Variants in PLAGL1 observed in about 807,000 individuals in gnomAD.
PLAGL1 encodes zinc finger protein PLAGL1.
PLAGL1 carries 1 observed loss-of-function variant against 4.6 expected under a neutral mutation model. The observed-to-expected ratio is 0.22, with a 90% CI of 0.08 to 1.03. The LOEUF (loss-of-function observed/expected upper bound fraction) is 1.03, where lower values mean the gene tolerates loss of function less well. Ranked by LOEUF, PLAGL1 falls within the 50% of genes least tolerant of loss-of-function variation. The pLI is 0.58. For synonymous variants in PLAGL1, 240 were observed against 237.8 expected, an observed-to-expected ratio of 1.01 and a Z score of -0.08; for missense variants, 464 against 570.4, an observed-to-expected ratio of 0.81 and a Z score of 1.90.
intron 1 of PLAGL1, among the ~76,000 whole-genome samples, chr6:144,040,722 A>G (rs1797664327): frequency 6.7e-6 from 1 of 149,510 alleles, no homozygotes; most frequent in Admixed American, 6.7e-5. Context: ...CTAAAAATAC[A>G]AAAAAATTTG....
In PLAGL1 at chr6:143,941,855, C is replaced by G; in HGVS notation, c.961G>C (p.Asp321His). ...CTGATATTGCAAAAACCTTTAGTAT[C>G]TGCTTTGAGGGGCAGGCTTGCAAGT... Reference protein sequence around the residue: ...SPLASLPLKADTKGFCNISLF... With the variant: ...SPLASLPLKAHTKGFCNISLF... The change falls in exon 8 of 8, where the codon GAT becomes CAT. Residue 321 changes from aspartate (D) to histidine (H), a missense_variant. By Grantham distance (81) the Asp-to-His change is moderately conservative (BLOSUM62 -1). Coordinates refer to ENST00000674357, the MANE Select transcript of PLAGL1 (RefSeq NM_001317162.2). This position sits in a 1 kb window ranked among gnomAD's most constrained non-coding sequence, Gnocchi z 6.0. The G allele has an allele frequency of 5.0e-6, 8 of 1,614,190 alleles. 1 individual carries two copies. The South Asian group carries it at 7.7e-5, about 16-fold the overall frequency.
intron 1 of PLAGL1, among the ~76,000 whole-genome samples, chr6:144,035,263 C>G (rs889850426): frequency 1.3e-5 from 2 of 152,094 alleles, no homozygotes; most frequent in African/African-American, 4.8e-5. Flanking sequence ...TAGATCAATC[C>G]AAGCACCAAA....
At chr6:144,023,686 T>C (rs558615504) in intron 1 of PLAGL1, among the ~76,000 whole-genome samples, 3 of 151,080 alleles carry the variant, frequency 2.0e-5, no homozygotes, top group Non-Finnish European at 4.4e-5. Context: ...TTAGGGAAAT[T>C]ACAGATAAGC....
intron 2 of PLAGL1, among the ~76,000 whole-genome samples, chr6:143,976,285 CTTTT>C (rs58569870): frequency 2.6e-5 from 3 of 113,250 alleles, no homozygotes; most frequent in Non-Finnish European, 5.3e-5. Flanking sequence ...GATTTCTTTT[CTTTT>C]TTTTTTTTTT....
rs954582563 is a variant in PLAGL1, at chr6:144,055,235, C to T, written c.-151+9233G>A. 6.6e-6 allele frequency among the ~76,000 whole-genome samples: 1 copy of T among 152,054 alleles called. No homozygotes were observed. The highest frequency in any genetic ancestry group is 2.4e-5 in the African/African-American group (1 of 41,378). ...CACTTACCCAGAAACACAGTGTGTT[C>T]GACAGAGAAGAAAGCTTACCGAGTG... On this transcript the variant is annotated intron_variant, in intron 1 of 3. Coordinates refer to the PLAGL1 transcript ENST00000437412. The surrounding 1 kb of genome is among the most constrained non-coding windows in gnomAD (Gnocchi z 5.0).
rs1156488871 is a variant in PLAGL1, at chr6:143,945,136, C to A, written c.153-2473G>T. On this transcript the variant is annotated intron_variant, in intron 7 of 7. Transcript: ENST00000674357. The surrounding 1 kb of genome is among the most constrained non-coding windows in gnomAD (Gnocchi z 4.2). Reference sequence around the variant, plus strand: ...CCTTTTAATTTATCCCTTACTTACTCAACAATCCTGATCTAGAACATTCTC... The same window carrying A: ...CCTTTTAATTTATCCCTTACTTACTAAACAATCCTGATCTAGAACATTCTC... Among the ~76,000 whole-genome samples the A allele has an allele frequency of 6.6e-6, 1 of 152,198 alleles. No homozygotes were observed. The highest frequency in any genetic ancestry group is 1.5e-5 in the Non-Finnish European group (1 of 68,034).
intron 1 of PLAGL1, among the ~76,000 whole-genome samples, chr6:144,035,096 G>A (rs545928772): frequency 6.6e-6 from 1 of 152,252 alleles, no homozygotes; most frequent in African/African-American, 2.4e-5. Flanking sequence ...AAATGTTTCA[G>A]GGGGTTGGGG....
intron 1 of PLAGL1, among the ~76,000 whole-genome samples, chr6:144,020,741 C>G (rs1001490245): frequency 2.0e-5 from 3 of 148,972 alleles, no homozygotes; most frequent in Non-Finnish European, 4.4e-5. Flanking sequence ...CCACTGCACC[C>G]GGCCACCACC....
rs933388428 is a variant in PLAGL1 at position 143,997,819 on chromosome 6, T to C, written c.-584+10271A>G. 1.2e-4 allele frequency among the ~76,000 whole-genome samples: 18 copies of C among 152,188 alleles called. No individual in the cohort carries two copies. The highest frequency in any genetic ancestry group is 6.5e-4 in the Admixed American group (10 of 15,272). On this transcript the variant is annotated intron_variant, in intron 1 of 7. Coordinates refer to ENST00000674357, the MANE Select transcript of PLAGL1 (RefSeq NM_001317162.2). This position sits in a 1 kb window ranked among gnomAD's most constrained non-coding sequence, Gnocchi z 4.6. ...AATTTTATCCTCGATGGATGTAATA[T>C]TGTCTAGCTTGCTCTTGAATGTGGT... is the stretch of plus-strand genomic sequence containing the variant.
At position 144,027,243 on chromosome 6, in the gene PLAGL1, G is replaced by GAAAT. The variant is rs1159218241; in HGVS notation, c.-151+37224_-151+37225insATTT. Among the ~76,000 whole-genome samples the GAAAT allele has an allele frequency of 3.9e-4, 31 of 80,286 alleles. No homozygotes were observed. Among genetic ancestry groups the GAAAT allele is most frequent in the African/African-American group, 1.3e-3 (30 of 23,358 alleles). 52.7% of individuals were successfully genotyped at this position (80,286 alleles called of 152,430 possible). A position where few individuals can be genotyped will look rare whatever the true frequency, so the allele number is the denominator to read the frequency against. ...CAACTCAAAGAACGAACGAAAGAAA[G>GAAAT]AAAGAAAGAAAGAAAGAAAGAAAGA... On this transcript the variant is annotated intron_variant, in intron 1 of 3. Transcript: ENST00000437412. This position sits in a 1 kb window ranked among gnomAD's most constrained non-coding sequence, Gnocchi z 5.8.
At chr6:143,977,083 T>TCCCCC (rs55975019) in intron 2 of PLAGL1, among the ~76,000 whole-genome samples, 9 of 136,910 alleles carry the variant, frequency 6.6e-5, no homozygotes, top group Non-Finnish European at 1.1e-4. Context: ...TATACTCCCT[T>TCCCCC]CCCCCCCCCC....
At chr6:144,007,082 C>A (rs944231174) in intron 1 of PLAGL1, 7 of 152,194 alleles carry the variant, frequency 4.6e-5, no homozygotes, top group African/African-American at 1.7e-4. Flanking sequence ...GGACATCGGA[C>A]GTCGTCAACT....
Position 143,947,126 on chromosome 6 carries a change from GGT to G in PLAGL1, c.152+857_152+858del, listed in dbSNP as rs1779963414. On this transcript the variant is annotated intron_variant, in intron 7 of 7. Coordinates refer to ENST00000674357, the MANE Select transcript of PLAGL1 (RefSeq NM_001317162.2). This position sits in a 1 kb window ranked among gnomAD's most constrained non-coding sequence, Gnocchi z 4.3. ...GCTAAAACAGTGCTTTTTATCCTTT[GGT>G]GTGTCATGGGTGCCTTTAAAACTGA... 6.6e-6 allele frequency among the ~76,000 whole-genome samples: 1 copy of G among 152,128 alleles called. No individual in the cohort carries two copies. Among genetic ancestry groups the G allele is most frequent in the Non-Finnish European group, 1.5e-5 (1 of 68,034 alleles).
intron 2 of PLAGL1, among the ~76,000 whole-genome samples, chr6:143,969,622 C>CAA (rs547356186): frequency 7.2e-6 from 1 of 139,616 alleles, no homozygotes; most frequent in African/African-American, 2.6e-5. Flanking sequence ...CAATCTCTAC[C>CAA]AAAAAAAAAA....
chr6:144,030,963 G>A (rs1796779343), intron 1 of PLAGL1, among the ~76,000 whole-genome samples: 1 of 152,176 alleles, frequency 6.6e-6, no homozygotes, highest in South Asian at 2.1e-4. Flanking sequence ...GGTTGCACTA[G>A]TTTACATTCC....
chr6:143,948,048 C>A lies in PLAGL1; in HGVS notation c.89G>T (p.Arg30Leu), dbSNP rs201696236. 2 of 1,614,078 alleles carry A rather than the reference C, an allele frequency of 1.2e-6. No homozygotes were observed. The highest frequency in any genetic ancestry group is 1.7e-6 in the Non-Finnish European group (2 of 1,179,900). The change falls in exon 7 of 8, where the codon CGG becomes CTG. Residue 30 changes from arginine (R) to leucine (L), a missense_variant. Physicochemically the swap from Arg to Leu is moderately radical, Grantham distance 102. This residue lies in a region of PLAGL1 where 161 missense variants were observed against 196.7 expected (regional missense o/e 0.82). Transcript: ENST00000674357. The surrounding 1 kb of genome is among the most constrained non-coding windows in gnomAD (Gnocchi z 6.0). ...TIHNYSHSRE[R>L]PYKCVQPDCG... ...GTCAGGCTGCACACACTTGTACGGC[C>A]GCTCCCTGGAGTGGGAATAATTGTG... is the stretch of plus-strand genomic sequence containing the variant.
At chr6:144,014,496 A>T (rs1453057761) in intron 1 of PLAGL1, among the ~76,000 whole-genome samples, 1 of 152,186 alleles carries the variant, frequency 6.6e-6, no homozygotes, top group Non-Finnish European at 1.5e-5. Flanking sequence ...GGGTACTGAC[A>T]AAAGACAGCA....
chr6:144,020,827 T>TA, intron 1 of PLAGL1, among the ~76,000 whole-genome samples: 1 of 145,796 alleles, frequency 6.9e-6, no homozygotes, highest in Admixed American at 6.9e-5. Flanking sequence ...TATTATATTA[T>TA]ATATAATATA....
chr6:143,967,261 G>GGCAAAGTACATGT (rs1784589189), intron 3 of PLAGL1: 1 of 152,136 alleles, frequency 6.6e-6, no homozygotes, highest in African/African-American at 2.4e-5. Flanking sequence ...TACATACAGA[G>GGCAAAGTACATGT]GCAAAGTACA....
Sources: gnomAD v4.1 joint callset for allele counts (sites outside exome capture counted in the v4.1 genomes callset) on GRCh38, gnomAD v4.1.1 for gene constraint, gnomAD v4.1.1 regional missense constraint, Gnocchi (gnomAD v3.1) non-coding constraint, MANE v1.5 for transcripts, NCBI Gene and HGNC (gene_info 2026-07-23, HGNC 2026-07-21) for gene names.